The following PIGT variants were observed in gnomAD, a reference collection of about 807,000 sequenced individuals.
PIGT encodes GPI-anchor transamidase component PIGT.
In PIGT, 57 loss-of-function variants were observed where a neutral mutation model predicts 66.7. That is an observed-to-expected ratio of 0.86 (90% CI 0.69 to 1.07). The LOEUF is 1.07. Among genes scored for constraint, PIGT ranks in the 50% least tolerant of loss-of-function variants. PIGT has a pLI of 0.00. For synonymous variants in PIGT, 362 were observed against 320.5 expected, an observed-to-expected ratio of 1.13 and a Z score of -1.38; for missense variants, 725 against 740.4, an observed-to-expected ratio of 0.98 and a Z score of 0.24.
At chr20:45,417,707 T>A (rs1990073569) in intron 2 of PIGT, 1 of 152,190 alleles carries the variant, frequency 6.6e-6, no homozygotes, top group Non-Finnish European at 1.5e-5. Flanking sequence ...AATTTAAAAA[T>A]TTTTTGAGTG....
intron 9 of PIGT, chr20:45,422,930 G>A (rs1297126460): frequency 6.6e-6 from 1 of 151,932 alleles, no homozygotes; most frequent in East Asian, 1.9e-4. Flanking sequence ...CTCTTGGGTG[G>A]GCACAGTGGT....
At chr20:45,416,387 T>A (rs918081058) in intron 1 of PIGT, 44 bp downstream of exon 1, 1 of 1,552,732 alleles carries the variant, frequency 6.4e-7, no homozygotes, top group Non-Finnish European at 8.7e-7. Flanking sequence ...CCGTAGTGCC[T>A]GCTGGCTGGC....
chr20:45,422,579 A>G (rs1990436718), intron 9 of PIGT: 2 of 151,888 alleles, frequency 1.3e-5, no homozygotes, highest in Non-Finnish European at 2.9e-5. Context: ...CCCTAGGACT[A>G]CAGGCATGAA....
In PIGT at chr20:45,424,351, C is replaced by T. The variant is rs142282580; in HGVS notation, c.1370C>T (p.Thr457Met). Reference sequence around the variant, plus strand: ...GCGCTGCTGAAGTGGACCGAGTACACGCCAGATCCTAACCATGGCTTCTAT... The same window carrying T: ...GCGCTGCTGAAGTGGACCGAGTACATGCCAGATCCTAACCATGGCTTCTAT... Reference protein sequence around the residue: ...ERALLKWTEYTPDPNHGFYVS... With the variant: ...ERALLKWTEYMPDPNHGFYVS... The change falls in exon 10 of 12, where the codon ACG becomes ATG. Residue 457 changes from threonine to methionine, a missense_variant. This residue lies in a region of PIGT where 162 missense variants were observed against 171.1 expected (regional missense o/e 0.95). Coordinates refer to ENST00000279036, the MANE Select transcript of PIGT (RefSeq NM_015937.6). 12 of 1,614,190 alleles carry T rather than the reference C, an allele frequency of 7.4e-6. No individual in the cohort carries two copies. The highest frequency in any genetic ancestry group is 4.5e-5 in the East Asian group (2 of 44,888).
chr20:45,419,270 C>T (rs1568947112), intron 3 of PIGT, 25 bp from the exon 4 acceptor site: 1 of 1,586,936 alleles, frequency 6.3e-7, no homozygotes, highest in Non-Finnish European at 8.7e-7. Context: ...AAGGCCCACC[C>T]CAGACAGACC....
intron 2 of PIGT, chr20:45,417,601 T>C (rs1221264944): frequency 1.3e-5 from 2 of 152,248 alleles, no homozygotes; most frequent in Non-Finnish European, 2.9e-5. Flanking sequence ...GTGTTGGGAT[T>C]ACAGGCAAGA....
chr20:45,416,178 G>T lies in PIGT; in HGVS notation c.22G>T (p.Ala8Ser), dbSNP rs569386009. MAAAMPLALLVLLLLGPG... is the reference protein window; with the variant it reads MAAAMPLSLLVLLLLGPG... The stretch of plus-strand genomic sequence containing the variant: ...AGGCATGGCGGCGGCTATGCCGCTT[G>T]CTCTGCTCGTCCTGTTGCTCCTGGG... The change falls in exon 1 of 12, where the codon GCT (alanine) becomes TCT (serine). Residue 8 changes from alanine (A) to serine (S), a missense_variant. By Grantham distance (99) the Ala-to-Ser change is moderately conservative (BLOSUM62 1). Around this residue, in one of 3 missense-constraint regions of PIGT, gnomAD observed 559 missense variants for 552.7 expected, o/e 1.01. Coordinates refer to ENST00000279036, the MANE Select transcript of PIGT (RefSeq NM_015937.6). The T allele has an allele frequency of 8.5e-5, 135 of 1,579,768 alleles. 1 individual carries two copies. Among genetic ancestry groups the T allele is most frequent in the South Asian group, 7.0e-4 (61 of 86,934 alleles).
intron 9 of PIGT, chr20:45,423,926 G>A (rs922422340): frequency 9.1e-5 from 36 of 393,688 alleles, no homozygotes; most frequent in African/African-American, 4.4e-4. Flanking sequence ...TTCTTCTTGC[G>A]TCACATCAGG....
intron 9 of PIGT, chr20:45,423,055 ATTTTTTTTTTTTTTT>A (rs201759786): frequency 1.3e-5 from 1 of 78,936 alleles, no homozygotes; most frequent in Non-Finnish European, 2.2e-5. Flanking sequence ...TACAAAAAAA[ATTTTTTTTTTTTTTT>A]TTTTTTTTTT....
At chr20:45,425,139 T>C (rs6017564) in intron 11 of PIGT, 1,458 of 44,296 alleles carry the variant, frequency 0.033, 12 homozygotes, top group Middle Eastern at 0.12. Flanking sequence ...CTTTCTTTCT[T>C]TCTCTTTCTT....
rs1568955551 is a variant in PIGT at position 45,425,581 on chromosome 20, GTC to G, written c.1496_1497del (p.Ser499Ter). On this transcript the variant is annotated frameshift_variant, in exon 12 of 12. Coordinates refer to ENST00000279036, the MANE Select transcript of PIGT (RefSeq NM_015937.6). LOFTEE classifies it high-confidence loss of function. Reference protein sequence around the residue: ...ESPLFNSLFPVSDGSNYFVRL... With the variant: ...ESPLFNSLFPXSDGSNYFVRL... ...CTCTTCCCCTGACCCCAGGTTCCCA[GTC>G]TCTGATGGCTCTAACTACTTTGTGC... The G allele has an allele frequency of 6.2e-7, 1 of 1,613,640 alleles. No individual in the cohort carries two copies. Among genetic ancestry groups the G allele is most frequent in the Non-Finnish European group, 8.5e-7 (1 of 1,179,882 alleles).
intron 11 of PIGT, chr20:45,424,978 T>A (rs1304524085): frequency 5.3e-6 from 1 of 190,172 alleles, no homozygotes; most frequent in African/African-American, 2.3e-5. Context: ...AGAGGTTGGG[T>A]AGGAATTGAT....
rs535157954 is a variant in PIGT, at chr20:45,420,780, G to A, written c.1033+87G>A. 93 of 1,381,694 alleles carry A rather than the reference G, an allele frequency of 6.7e-5. No homozygotes were observed. In the East Asian group the frequency reaches 2.1e-3, roughly 31 times the overall value. The allele number at this position is 1,381,694 out of a possible 1,614,324, so 85.6% of individuals were successfully genotyped here. ...CCACGTCTTTGCCGTTAGATGATTG[G>A]GTTGTATTTAGACCAGATTTCCAGA... is the stretch of plus-strand genomic sequence containing the variant. On this transcript the variant is annotated intron_variant, in intron 8 of 11. Transcript: ENST00000279036.
rs749140807 is a variant in PIGT, at chr20:45,418,836, T to C, written c.366-16T>C. ...GGTAGCCCCAGGACAGTGAGTGGAT[T>C]TGTGTCTCTATCCAGTGTGGATAAA... On this transcript the variant is annotated splice_polypyrimidine_tract_variant and intron_variant, in intron 2 of 11. Coordinates refer to ENST00000279036, the MANE Select transcript of PIGT (RefSeq NM_015937.6). The C allele has an allele frequency of 1.3e-5, 21 of 1,613,406 alleles. No homozygotes were observed. Among genetic ancestry groups the C allele is most frequent in the Non-Finnish European group, 1.8e-5 (21 of 1,179,628 alleles).
At chr20:45,417,065 A>G (rs73907950) in intron 2 of PIGT, 5,572 of 168,326 alleles carry the variant, frequency 0.033, 342 homozygotes, top group African/African-American at 0.13. Flanking sequence ...CAACTGGCCA[A>G]CAGGATGCTA....
chr20:45,416,177 T>A lies in PIGT; in HGVS notation c.21T>A (p.Leu7=). The stretch of plus-strand genomic sequence containing the variant: ...CAGGCATGGCGGCGGCTATGCCGCT[T>A]GCTCTGCTCGTCCTGTTGCTCCTGG... The part of the protein sequence containing the change: MAAAMP[L]ALLVLLLLGP... Residue 7 remains leucine (L), a synonymous_variant, in exon 1 of 12, where the codon CTT becomes CTA. Transcript: ENST00000279036. The A allele has an allele frequency of 6.3e-7, 1 of 1,579,194 alleles. No individual in the cohort carries two copies. The highest frequency in any genetic ancestry group is 8.6e-7 in the Non-Finnish European group (1 of 1,164,264).
At chr20:45,417,755 G>A (rs1019334267) in intron 2 of PIGT, 3 of 152,208 alleles carry the variant, frequency 2.0e-5, no homozygotes, top group Admixed American at 6.5e-5. Context: ...AATGAAGCAT[G>A]TTTATGGTTT....
chr20:45,424,457 C>T (rs774567223), intron 10 of PIGT, 39 bp from the exon 11 acceptor site: 7 of 1,611,784 alleles, frequency 4.3e-6, no homozygotes, highest in South Asian at 1.1e-5. Flanking sequence ...GATAGGGCAG[C>T]CAGATGGGAA....
chr20:45,420,617 C>T lies in PIGT; in HGVS notation c.957C>T (p.Asp319=), dbSNP rs766725081. The part of the protein sequence containing the change: ...LGTRKTYAIY[D]LLDTAMINNS... ...CTCGGAAGACCTATGCCATCTATGA[C>T]TTGCTTGACACCGCCATGATCAACA... is the stretch of plus-strand genomic sequence containing the variant. The change falls in exon 8 of 12, where the codon GAC becomes GAT. Residue 319 remains aspartate (D), a synonymous_variant. Transcript: ENST00000279036. 13 of 1,613,740 alleles carry T rather than the reference C, an allele frequency of 8.1e-6. No individual in the cohort carries two copies. The Admixed American group carries it at 2.2e-4, about 27-fold the overall frequency.
Sources: allele counts gnomAD v4.1 joint callset, GRCh38; gene constraint gnomAD v4.1.1; regional missense constraint gnomAD v4.1.1; transcripts MANE v1.5; gene names NCBI Gene and HGNC (gene_info 2026-07-23, HGNC 2026-07-21).